Variants in XPO4 observed in about 807,000 individuals in gnomAD.
XPO4 encodes the protein exportin 4.
In XPO4, 39 loss-of-function variants were observed where a neutral mutation model predicts 143.0. That is an observed-to-expected ratio of 0.27 (90% CI 0.21 to 0.36). The LOEUF (loss-of-function observed/expected upper bound fraction) is 0.36. XPO4 is among the 10% of genes least tolerant of loss of function. The probability of loss-of-function intolerance (pLI) is 1.00; values close to 1 mark genes in which losing one functional copy is unlikely to be tolerated. For missense variants in XPO4, 907 were observed against 1,348.0 expected (o/e 0.67, Z 5.12); for synonymous variants, 439 against 474.0 (o/e 0.93, Z 0.96).
At chr13:20,799,129 A>G (rs1308831799) in intron 16 of XPO4, 36 bp downstream of exon 16, 3 of 1,534,688 alleles carry the variant, frequency 2.0e-6, no homozygotes, top group Non-Finnish European at 2.6e-6. Context: ...ACAGAGTTAC[A>G]CAAAAGGGTG....
At chr13:20,785,054 G>C (rs1268675191) in intron 22 of XPO4, among the ~76,000 whole-genome samples, 1 of 152,134 alleles carries the variant, frequency 6.6e-6, no homozygotes, top group South Asian at 2.1e-4. Context: ...TTTTAGTAGG[G>C]ACAGGGTTCT....
At position 20,825,634 on chromosome 13, in the gene XPO4, T is replaced by G. The variant is rs893329258; in HGVS notation, c.840+1433A>C. 3.3e-5 allele frequency among the ~76,000 whole-genome samples: 5 copies of G among 152,226 alleles called. 1 individual carries two copies. The highest frequency in any genetic ancestry group is 4.8e-5 in the African/African-American group (2 of 41,452). ...GTTTCCAGTACTGCCAGCAAGTTTT[T>G]CACCTTTTCAAAAACTGCTGGAGTG... On this transcript the variant is annotated intron_variant, in intron 7 of 22. Transcript: ENST00000255305.
intron 4 of XPO4, chr13:20,851,980 G>A (rs1179275078): frequency 6.1e-6 from 6 of 985,214 alleles, no homozygotes; most frequent in Middle Eastern, 5.2e-4. Context: ...TACCCAAGGG[G>A]AAAGGAAGCA....
At chr13:20,864,194 C>T (rs749781735) in intron 2 of XPO4, among the ~76,000 whole-genome samples, 9 of 151,096 alleles carry the variant, frequency 6.0e-5, no homozygotes, top group Non-Finnish European at 1.2e-4. Flanking sequence ...AAATGTGAAC[C>T]TATTAGAAAA....
intron 18 of XPO4, among the ~76,000 whole-genome samples, chr13:20,795,016 A>AT (rs1267199707): frequency 2.6e-5 from 4 of 151,906 alleles, no homozygotes; most frequent in African/African-American, 9.7e-5. Context: ...TTAAAAAAAA[A>AT]AAAAAAAGAC....
At position 20,795,927 on chromosome 13, in the gene XPO4, C is replaced by T. The variant is rs369835401; in HGVS notation, c.2797+149G>A. On this transcript the variant is annotated intron_variant, in intron 18 of 22. Transcript: ENST00000255305. ...AAAGGCAAGCAGGAGGGCCACTGGTCCTCACCCTCACTTTGACCACAAAGA... is the reference window on the plus strand; with the variant it reads ...AAAGGCAAGCAGGAGGGCCACTGGTTCTCACCCTCACTTTGACCACAAAGA... 602 of 804,454 alleles carry T rather than the reference C, an allele frequency of 7.5e-4. 4 individuals are homozygous for T. In the African/African-American group the frequency reaches 9.5e-3, roughly 13 times the overall value. The allele number at this position is 804,454 out of a possible 1,614,324, so 49.8% of individuals were successfully genotyped here. A position where few individuals can be genotyped will look rare whatever the true frequency, so the allele number is the denominator to read the frequency against.
chr13:20,875,262 A>T (rs1437551205), intron 1 of XPO4, among the ~76,000 whole-genome samples: 1 of 152,196 alleles, frequency 6.6e-6, no homozygotes, highest in East Asian at 1.9e-4. Context: ...ATCCATTAAC[A>T]CAAAATGAAA....
chr13:20,874,764 C>T (rs975999512), intron 1 of XPO4, among the ~76,000 whole-genome samples: 9 of 152,118 alleles, frequency 5.9e-5, no homozygotes, highest in African/African-American at 9.7e-5. Flanking sequence ...GAGGCCGAGG[C>T]GGGTGATCAC....
chr13:20,843,630 C>T, intron 5 of XPO4, 140 bp downstream of exon 5: 1 of 626,288 alleles, frequency 1.6e-6, no homozygotes, highest in Non-Finnish European at 2.8e-6. Flanking sequence ...TTTACTATAT[C>T]CTTTGAAATC....
chr13:20,843,889 G>T lies in XPO4; in HGVS notation c.457-3C>A. ...AGAATAGAACAGGCCAGAGTTTGCT[G>T]TAATTATTTGATAAGAAATAATTGT... On this transcript the variant is annotated splice_region_variant and splice_polypyrimidine_tract_variant and intron_variant, in intron 4 of 22. Transcript: ENST00000255305. 6.2e-7 allele frequency: 1 copy of T among 1,602,224 alleles called. No individual in the cohort carries two copies. The highest frequency in any genetic ancestry group is 8.5e-7 in the Non-Finnish European group (1 of 1,171,148).
intron 4 of XPO4, among the ~76,000 whole-genome samples, chr13:20,845,108 G>A (rs1453860007): frequency 6.6e-6 from 1 of 152,226 alleles, no homozygotes; most frequent in African/African-American, 2.4e-5. Context: ...GGAGCCGAAG[G>A]CTGCAATGAG....
intron 1 of XPO4, among the ~76,000 whole-genome samples, chr13:20,888,948 G>A (rs892721664): frequency 2.0e-5 from 3 of 151,960 alleles, no homozygotes; most frequent in Non-Finnish European, 2.9e-5. Flanking sequence ...GGTCACAGGC[G>A]TGTGCCACCA....
chr13:20,790,412 G>T, intron 19 of XPO4, 50 bp downstream of exon 19: 2 of 1,377,212 alleles, frequency 1.5e-6, no homozygotes, highest in South Asian at 1.2e-5. Context: ...AAGTATCTTT[G>T]AACTTCAGTT....
In XPO4 at chr13:20,862,797, G is replaced by A; in HGVS notation, c.237C>T (p.Val79=). Residue 79 remains valine (V), a synonymous_variant, in exon 3 of 23, where the codon GTC becomes GTT. Transcript: ENST00000255305. The stretch of plus-strand genomic sequence containing the variant: ...CTTTTTCCAAGAGAATCCACTCTCG[G>A]ACAACTGCTTCCATTATGGCTGTGG... The part of the protein sequence containing the change: ...QAATAIMEAV[V]REWILLEKGS... The A allele has an allele frequency of 6.2e-7, 1 of 1,614,142 alleles. No individual in the cohort carries two copies. The highest frequency in any genetic ancestry group is 8.5e-7 in the Non-Finnish European group (1 of 1,180,028).
chr13:20,804,598 C>A (rs894861071), intron 13 of XPO4, among the ~76,000 whole-genome samples: 2 of 152,162 alleles, frequency 1.3e-5, no homozygotes, highest in Non-Finnish European at 2.9e-5. Flanking sequence ...TAACTGTATC[C>A]TCAGATGCTG....
intron 4 of XPO4, chr13:20,849,318 T>C (rs2138080703): frequency 1.7e-5 from 17 of 985,384 alleles, no homozygotes; most frequent in Non-Finnish European, 1.9e-5. Flanking sequence ...CGTAGACAAG[T>C]GAATTTCTCA....
intron 1 of XPO4, among the ~76,000 whole-genome samples, chr13:20,897,046 A>C (rs1025404205): frequency 6.6e-6 from 1 of 152,214 alleles, no homozygotes; most frequent in African/African-American, 2.4e-5. Flanking sequence ...TTTGAAACAT[A>C]AATTTCCTAT....
chr13:20,856,672 A>G, intron 3 of XPO4: 1 of 197,772 alleles, frequency 5.1e-6, no homozygotes. Flanking sequence ...TTTCACTCTC[A>G]AAAGTGTCCC....
chr13:20,896,381 A>T (rs771906508), intron 1 of XPO4, among the ~76,000 whole-genome samples: 2 of 152,228 alleles, frequency 1.3e-5, no homozygotes, highest in African/African-American at 2.4e-5. Flanking sequence ...CAAGGAGCAT[A>T]GCCTTCATTT....
Sources: gnomAD v4.1 joint callset for allele counts (sites outside exome capture counted in the v4.1 genomes callset) on GRCh38, gnomAD v4.1.1 for gene constraint, MANE v1.5 for transcripts, NCBI Gene and HGNC (gene_info 2026-07-23, HGNC 2026-07-21) for gene names.